PLCB1: variants seen among roughly 807,000 people sequenced by gnomAD.
PLCB1 encodes the protein phospholipase C beta 1, also known as 1-phosphatidylinositol 4,5-bisphosphate phosphodiesterase beta-1.
In PLCB1, 46 loss-of-function variants were observed where a neutral mutation model predicts 161.8. That is an observed-to-expected ratio of 0.28 (90% confidence interval 0.22 to 0.36). The LOEUF is 0.36. Among genes scored for constraint, PLCB1 ranks in the 10% least tolerant of loss-of-function variants. The pLI is 1.00. For missense variants in PLCB1, 1,016 were observed against 1,472.5 expected (o/e 0.69, Z 5.07); for synonymous variants, 517 against 503.7 (o/e 1.03, Z -0.35).
At chr20:8,546,215 G>A (rs1272546382) in intron 3 of PLCB1, among the ~76,000 whole-genome samples, 1 of 150,848 alleles carries the variant, frequency 6.6e-6, no homozygotes, top group African/African-American at 2.4e-5. Context: ...TTGGGAAGCT[G>A]AGGCAGGAGA....
chr20:8,299,452 C>T (rs1341520642), intron 2 of PLCB1, among the ~76,000 whole-genome samples: 1 of 152,108 alleles, frequency 6.6e-6, no homozygotes, highest in Admixed American at 6.6e-5. Flanking sequence ...CTCCCATTCT[C>T]AATCAACAGT....
chr20:8,376,884 C>T (rs575131170), intron 3 of PLCB1, among the ~76,000 whole-genome samples: 2 of 151,686 alleles, frequency 1.3e-5, no homozygotes, highest in South Asian at 4.2e-4. Context: ...GCCAAGATCA[C>T]ACCACTGCCC....
chr20:8,255,307 A>G (rs530288045), intron 2 of PLCB1, among the ~76,000 whole-genome samples: 1 of 152,210 alleles, frequency 6.6e-6, no homozygotes, highest in African/African-American at 2.4e-5. Context: ...GAAGATCTCC[A>G]TATATATACA....
intron 3 of PLCB1, among the ~76,000 whole-genome samples, chr20:8,497,168 C>T (rs1983212784): frequency 6.6e-6 from 1 of 152,128 alleles, no homozygotes; most frequent in African/African-American, 2.4e-5. Context: ...CAAATTTTTA[C>T]TTAGGCTCAT....
Position 8,417,073 on chromosome 20 carries a change from ATTTTTTTTTTTT to A in PLCB1, c.246+45643_246+45654del, listed in dbSNP as rs3031852. On this transcript the variant is annotated intron_variant, in intron 3 of 31. Coordinates refer to ENST00000338037, the MANE Select transcript of PLCB1 (RefSeq NM_015192.4). ...CACACACATATATATATATATATAT[ATTTTTTTTTTTT>A]TTTTTTTTTTTTTTTTTTTGAGATG... 7.3e-3 allele frequency among the ~76,000 whole-genome samples: 290 copies of A among 39,862 alleles called. 3 individuals are homozygous for A. Among genetic ancestry groups the A allele is most frequent in the Non-Finnish European group, 9.9e-3 (237 of 23,924 alleles). 26.2% of individuals were successfully genotyped at this position (39,862 alleles called of 152,430 possible).
At chr20:8,449,862 G>A (rs986942704) in intron 3 of PLCB1, among the ~76,000 whole-genome samples, 11 of 152,122 alleles carry the variant, frequency 7.2e-5, no homozygotes, top group Admixed American at 1.3e-4. Flanking sequence ...GAACACACAC[G>A]TTACTGCTAT....
chr20:8,368,528 C>CAAAAA (rs1216338206), intron 2 of PLCB1, among the ~76,000 whole-genome samples: 24 of 63,680 alleles, frequency 3.8e-4, no homozygotes, highest in East Asian at 1.2e-3. Context: ...CTCTGTCTCT[C>CAAAAA]AAAAAAAAAA....
At chr20:8,516,130 C>T (rs1984100501) in intron 3 of PLCB1, among the ~76,000 whole-genome samples, 1 of 152,150 alleles carries the variant, frequency 6.6e-6, no homozygotes, top group Admixed American at 6.5e-5. Flanking sequence ...TACTTCCCAT[C>T]AAGCCCCTCC....
At chr20:8,828,412 TA>T (rs913869836) in intron 31 of PLCB1, among the ~76,000 whole-genome samples, 3 of 152,238 alleles carry the variant, frequency 2.0e-5, no homozygotes, top group Admixed American at 6.5e-5. Context: ...TCCTTTTTTT[TA>T]AACATTCTCT....
intron 2 of PLCB1, among the ~76,000 whole-genome samples, chr20:8,241,859 T>C (rs1980629109): frequency 6.6e-6 from 1 of 151,900 alleles, no homozygotes; most frequent in Non-Finnish European, 1.5e-5. Context: ...GGCTGAGATT[T>C]AGATGATTGA....
chr20:8,820,270 T>C (rs1445107109), intron 31 of PLCB1, among the ~76,000 whole-genome samples: 1 of 149,698 alleles, frequency 6.7e-6, no homozygotes, highest in East Asian at 1.9e-4. Context: ...TATATTATTA[T>C]ATATGAAATT....
chr20:8,659,508 T>C (rs1989563436), intron 9 of PLCB1, among the ~76,000 whole-genome samples: 1 of 152,122 alleles, frequency 6.6e-6, no homozygotes, highest in African/African-American at 2.4e-5. Flanking sequence ...GAAAATAAAG[T>C]ACAATTAACC....
At chr20:8,389,497 ATTAGTACCATGAG>A (rs138912836) in intron 3 of PLCB1, among the ~76,000 whole-genome samples, 3 of 152,314 alleles carry the variant, frequency 2.0e-5, no homozygotes, top group Non-Finnish European at 4.4e-5. Context: ...TGAAGACAGA[ATTAGTACCATGAG>A]TTAATGAAAC....
At chr20:8,501,864 CATATATAT>C (rs36226867) in intron 3 of PLCB1, among the ~76,000 whole-genome samples, 1,070 of 103,924 alleles carry the variant, frequency 0.01, 15 homozygotes, top group South Asian at 0.013. Flanking sequence ...AGATATATCG[CATATATAT>C]ATATATATAT....
chr20:8,231,748 T>C (rs1980050869), intron 2 of PLCB1, among the ~76,000 whole-genome samples: 1 of 152,026 alleles, frequency 6.6e-6, no homozygotes, highest in African/African-American at 2.4e-5. Flanking sequence ...GGGCAGTCAT[T>C]GATCATAGGT....
intron 31 of PLCB1, among the ~76,000 whole-genome samples, chr20:8,830,153 T>G (rs1985913028): frequency 6.6e-6 from 1 of 152,154 alleles, no homozygotes; most frequent in South Asian, 2.1e-4. Flanking sequence ...TGAGTAGGAA[T>G]GAGAACTCTT....
At chr20:8,681,100 AT>A (rs1568558191) in intron 9 of PLCB1, among the ~76,000 whole-genome samples, 8 of 128,996 alleles carry the variant, frequency 6.2e-5, no homozygotes, top group South Asian at 2.4e-4. Context: ...ATATATATAT[AT>A]ATATATATAT....
At chr20:8,562,414 A>T (rs1986170762) in intron 3 of PLCB1, among the ~76,000 whole-genome samples, 1 of 152,056 alleles carries the variant, frequency 6.6e-6, no homozygotes. Context: ...GTAAGGCAAA[A>T]ATGTGCCTGG....
chr20:8,287,540 T>C (rs1983178571), intron 2 of PLCB1, among the ~76,000 whole-genome samples: 1 of 152,216 alleles, frequency 6.6e-6, no homozygotes, highest in East Asian at 1.9e-4. Context: ...TGGAAAGCAA[T>C]TACTCAGTAC....
Sources: allele counts gnomAD v4.1 joint callset (sites outside exome capture counted in the v4.1 genomes callset), GRCh38; gene constraint gnomAD v4.1.1; transcripts MANE v1.5; gene names NCBI Gene and HGNC (gene_info 2026-07-23, HGNC 2026-07-21).